Variants in ZFYVE9 observed in about 807,000 individuals in gnomAD.
ZFYVE9 encodes zinc finger FYVE-type containing 9, also known as zinc finger FYVE domain-containing protein 9.
In ZFYVE9, 43 loss-of-function variants were observed where a neutral mutation model predicts 126.7. The ratio of observed to expected loss-of-function variants is 0.34; its 90% CI spans 0.27 to 0.44. The LOEUF is 0.44. Ranked by LOEUF, ZFYVE9 falls within the 20% of genes least tolerant of loss-of-function variation. ZFYVE9 has a pLI of 1.00. For missense variants in ZFYVE9, 1,476 were observed against 1,697.0 expected, an observed-to-expected ratio of 0.87 and a Z score of 2.29; for synonymous variants, 521 against 597.4, an observed-to-expected ratio of 0.87 and a Z score of 1.87.
At chr1:52,202,796 A>C (rs952349328) in intron 1 of ZFYVE9, among the ~76,000 whole-genome samples, 2 of 151,036 alleles carry the variant, frequency 1.3e-5, no homozygotes, top group Admixed American at 6.6e-5. Flanking sequence ...AGCAATTCTC[A>C]TGCCTCAGCC....
chr1:52,199,985 G>A (rs540168422), intron 1 of ZFYVE9, among the ~76,000 whole-genome samples: 1 of 149,208 alleles, frequency 6.7e-6, no homozygotes, highest in Admixed American at 6.7e-5. Context: ...ACCTTCTTTG[G>A]TGAAGTGTCT....
chr1:52,258,705 A>G (rs1041603640), intron 4 of ZFYVE9, among the ~76,000 whole-genome samples: 5 of 152,196 alleles, frequency 3.3e-5, no homozygotes, highest in Admixed American at 6.5e-5. Flanking sequence ...CTTATGACCT[A>G]TGAATCTCAC....
chr1:52,289,372 C>G (rs1471760724), intron 10 of ZFYVE9, among the ~76,000 whole-genome samples: 1 of 152,166 alleles, frequency 6.6e-6, no homozygotes, highest in Non-Finnish European at 1.5e-5. Flanking sequence ...TTCTGCTTAC[C>G]TACTAGCACT....
intron 1 of ZFYVE9, among the ~76,000 whole-genome samples, chr1:52,188,029 A>G (rs774862798): frequency 6.6e-6 from 1 of 152,254 alleles, no homozygotes. Flanking sequence ...ATGCATGCAT[A>G]TGTTCATTGC....
At chr1:52,265,604 A>G (rs1645626369) in intron 5 of ZFYVE9, among the ~76,000 whole-genome samples, 1 of 152,192 alleles carries the variant, frequency 6.6e-6, no homozygotes, top group Admixed American at 6.5e-5. Flanking sequence ...ATTTGTGATC[A>G]TTTATATTGG....
chr1:52,155,701 G>A (rs755101194), intron 1 of ZFYVE9, among the ~76,000 whole-genome samples: 20 of 152,188 alleles, frequency 1.3e-4, no homozygotes, highest in Admixed American at 2.6e-4. Context: ...CAGAGTTGTT[G>A]CCCCTACTCA....
At chr1:52,298,285 A>C (rs1645997312) in intron 12 of ZFYVE9, among the ~76,000 whole-genome samples, 1 of 152,144 alleles carries the variant, frequency 6.6e-6, no homozygotes, top group African/African-American at 2.4e-5. Flanking sequence ...TTTTGGGTTT[A>C]AATTTAAGTC....
chr1:52,248,015 T>G (rs1557479499), intron 4 of ZFYVE9, among the ~76,000 whole-genome samples: 3 of 152,132 alleles, frequency 2.0e-5, no homozygotes, highest in African/African-American at 7.2e-5. Flanking sequence ...GATATATAGA[T>G]ATATATATAT....
At chr1:52,274,939 T>A (rs1645730770) in intron 8 of ZFYVE9, among the ~76,000 whole-genome samples, 1 of 152,158 alleles carries the variant, frequency 6.6e-6, no homozygotes, top group South Asian at 2.1e-4. Flanking sequence ...CATTTTGAGG[T>A]ATAATATACA....
Position 52,233,162 on chromosome 1 carries a change from A to G in ZFYVE9, c.-36-9A>G, listed in dbSNP as rs1645240225. Reference sequence around the variant, plus strand: ...ATAATTCAAAATGTAATACGCATTTACTTTTTAGGTTTAAACAAGTCTCTT... The same window carrying G: ...ATAATTCAAAATGTAATACGCATTTGCTTTTTAGGTTTAAACAAGTCTCTT... On this transcript the variant is annotated splice_polypyrimidine_tract_variant and intron_variant, in intron 2 of 18. Transcript: ENST00000287727. 7.5e-7 allele frequency: 1 copy of G among 1,332,382 alleles called. No individual in the cohort carries two copies. The highest frequency in any genetic ancestry group is 1.0e-6 in the Non-Finnish European group (1 of 984,806). The allele number at this position is 1,332,382 out of a possible 1,614,324, so 82.5% of individuals were successfully genotyped here. A position where few individuals can be genotyped will look rare whatever the true frequency, so the allele number is the denominator to read the frequency against.
At chr1:52,283,472 G>A (rs936464373) in intron 10 of ZFYVE9, among the ~76,000 whole-genome samples, 2 of 152,164 alleles carry the variant, frequency 1.3e-5, no homozygotes, top group Admixed American at 6.5e-5. Flanking sequence ...CAGTTAAGAA[G>A]CAATTTCAGG....
At chr1:52,230,159 C>T (rs973265786) in intron 2 of ZFYVE9, among the ~76,000 whole-genome samples, 5 of 151,880 alleles carry the variant, frequency 3.3e-5, no homozygotes, top group Non-Finnish European at 5.9e-5. Flanking sequence ...TGAGCCTCCG[C>T]GCCCTGCCTA....
intron 1 of ZFYVE9, among the ~76,000 whole-genome samples, chr1:52,173,327 T>C (rs984278516): frequency 1.3e-5 from 2 of 152,194 alleles, no homozygotes; most frequent in African/African-American, 2.4e-5. Context: ...TATATTGAAC[T>C]GGTCTTGCAT....
At chr1:52,330,126 C>T (rs559804847) in intron 13 of ZFYVE9, among the ~76,000 whole-genome samples, 1 of 152,328 alleles carries the variant, frequency 6.6e-6, no homozygotes, top group South Asian at 2.1e-4. Flanking sequence ...CGCCTATAAT[C>T]CCAGCACTTT....
chr1:52,288,202 A>G (rs917149016), intron 10 of ZFYVE9, among the ~76,000 whole-genome samples: 2 of 152,350 alleles, frequency 1.3e-5, no homozygotes, highest in African/African-American at 4.8e-5. Context: ...AAGATCACAC[A>G]GTTAGGTGAT....
At chr1:52,338,542 C>A (rs766656148) in intron 16 of ZFYVE9, among the ~76,000 whole-genome samples, 14 of 152,212 alleles carry the variant, frequency 9.2e-5, no homozygotes, top group Non-Finnish European at 1.5e-4. Context: ...TTATACATTA[C>A]AAACTGAACT....
chr1:52,180,462 GA>G, intron 1 of ZFYVE9: 1 of 1,151,844 alleles, frequency 8.7e-7, no homozygotes. Flanking sequence ...GGACCTGGAG[GA>G]AAACCCTAAG....
In ZFYVE9 at chr1:52,238,513, G is replaced by A. The variant is rs1329160592; in HGVS notation, c.1096G>A (p.Glu366Lys). 1.2e-6 allele frequency: 2 copies of A among 1,614,070 alleles called. No individual in the cohort carries two copies. Among genetic ancestry groups the A allele is most frequent in the Non-Finnish European group, 1.7e-6 (2 of 1,179,974 alleles). ...GTGTTCAGATTGCCTTGTGCCTAAT[G>A]AAGTTAGGGCTGATGAAAATGAAGG... ...ERCSDCLVPNEVRADENEGYE... is the reference protein window; with the variant it reads ...ERCSDCLVPNKVRADENEGYE... Residue 366 changes from glutamate to lysine, a missense_variant, in exon 4 of 19, where the codon GAA (glutamate) becomes AAA (lysine). Around this residue, in one of 2 missense-constraint regions of ZFYVE9, gnomAD observed 807 missense variants for 794.6 expected, o/e 1.02. Transcript: ENST00000287727.
intron 1 of ZFYVE9, among the ~76,000 whole-genome samples, chr1:52,198,914 G>A (rs1256231842): frequency 1.3e-5 from 2 of 152,062 alleles, no homozygotes; most frequent in Non-Finnish European, 2.9e-5. Context: ...TATTTACATT[G>A]GGGTTTACTC....
Sources: allele counts gnomAD v4.1 joint callset (sites outside exome capture counted in the v4.1 genomes callset), GRCh38; gene constraint gnomAD v4.1.1; regional missense constraint gnomAD v4.1.1; transcripts MANE v1.5; gene names NCBI Gene and HGNC (gene_info 2026-07-23, HGNC 2026-07-21).